RICTOR: variants seen among roughly 807,000 people sequenced by gnomAD.
RICTOR encodes RPTOR independent companion of MTOR complex 2.
Under a neutral mutation model 214.9 loss-of-function variants are expected in RICTOR, and 49 were observed. The observed-to-expected ratio is 0.23, with a 90% CI of 0.18 to 0.29. RICTOR has a LOEUF of 0.29. Ranked by LOEUF, RICTOR falls within the 10% of genes least tolerant of loss-of-function variation. The pLI is 1.00. For synonymous variants in RICTOR, 717 were observed against 711.3 expected, an observed-to-expected ratio of 1.01 and a Z score of -0.13; for missense variants, 1,625 against 2,047.0, an observed-to-expected ratio of 0.79 and a Z score of 3.98.
intron 2 of RICTOR, among the ~76,000 whole-genome samples, chr5:39,023,574 A>C (rs1755594040): frequency 6.6e-6 from 1 of 152,248 alleles, no homozygotes; most frequent in Admixed American, 6.5e-5. Context: ...TATTTGTTTT[A>C]AATAAAAACA....
chr5:39,010,768 GA>G (rs1039246957), intron 3 of RICTOR, among the ~76,000 whole-genome samples: 1 of 152,150 alleles, frequency 6.6e-6, no homozygotes, highest in African/African-American at 2.4e-5. Flanking sequence ...GTATCTGGTG[GA>G]AAAAATTTCT....
chr5:38,978,483 C>T, intron 9 of RICTOR, 100 bp downstream of exon 9: 1 of 459,604 alleles, frequency 2.2e-6, no homozygotes, highest in Non-Finnish European at 3.8e-6. Flanking sequence ...TTTATTTAAA[C>T]TCACATTTCT....
chr5:38,939,576 T>C lies in RICTOR; in HGVS notation c.*2728A>G. 1 of 231,864 alleles carries C rather than the reference T, an allele frequency of 4.3e-6. No individual in the cohort carries two copies. The highest frequency in any genetic ancestry group is 6.1e-5 in the East Asian group (1 of 16,280). The allele number at this position is 231,864 out of a possible 1,614,324, so 14.4% of individuals were successfully genotyped here. ...TATTTATCAGTATTTACTTAGTATG[T>C]GAGGCTGAAATCTGTTCTTGAAAAA... On this transcript the variant is annotated 3_prime_UTR_variant, in exon 38 of 38. Coordinates refer to ENST00000357387, the MANE Select transcript of RICTOR (RefSeq NM_152756.5).
intron 2 of RICTOR, among the ~76,000 whole-genome samples, chr5:39,036,583 A>C (rs1260357278): frequency 2.6e-5 from 4 of 152,218 alleles, no homozygotes; most frequent in Admixed American, 2.6e-4. Flanking sequence ...TCTCACGTGC[A>C]GAGACACACA....
Position 39,074,178 on chromosome 5 carries a change from A to G in RICTOR, c.50-20T>C, listed in dbSNP as rs775330701. 3.1e-6 allele frequency: 5 copies of G among 1,589,276 alleles called. No individual in the cohort carries two copies. Among genetic ancestry groups the G allele is most frequent in the African/African-American group, 1.4e-5 (1 of 72,164 alleles). ...TCCGCCCTGCGCGAAACAGACACAC[A>G]GCCCCAATTAGGATTGGCTCGCAGG... On this transcript the variant is annotated intron_variant, in intron 1 of 37. Coordinates refer to ENST00000357387, the MANE Select transcript of RICTOR (RefSeq NM_152756.5).
At chr5:39,051,569 G>A (rs1469277843) in intron 2 of RICTOR, among the ~76,000 whole-genome samples, 2 of 152,052 alleles carry the variant, frequency 1.3e-5, no homozygotes, top group Non-Finnish European at 2.9e-5. Flanking sequence ...CCAACATGGC[G>A]AAACCCCATC....
intron 2 of RICTOR, among the ~76,000 whole-genome samples, chr5:39,023,497 T>G (rs1284354844): frequency 6.6e-6 from 1 of 152,226 alleles, no homozygotes; most frequent in Non-Finnish European, 1.5e-5. Flanking sequence ...AGGCAGTAGT[T>G]TGCCACCTCC....
intron 2 of RICTOR, among the ~76,000 whole-genome samples, chr5:39,027,640 G>A (rs1340879259): frequency 2.0e-5 from 3 of 151,960 alleles, no homozygotes; most frequent in Admixed American, 1.3e-4. Context: ...GAGTACTTCT[G>A]ATGTTACATT....
In RICTOR at chr5:38,950,605, A is replaced by T. The variant is rs1372511718; in HGVS notation, c.3243T>A (p.Asp1081Glu). 5.0e-6 allele frequency: 8 copies of T among 1,613,274 alleles called. No homozygotes were observed. Among genetic ancestry groups the T allele is most frequent in the Non-Finnish European group, 6.8e-6 (8 of 1,179,446 alleles). Residue 1081 changes from aspartate to glutamate, a missense_variant, in exon 31 of 38, where the codon GAT becomes GAA. Around this residue, in one of 5 missense-constraint regions of RICTOR, gnomAD observed 1,214 missense variants for 1,470.5 expected, o/e 0.83. Coordinates refer to ENST00000357387, the MANE Select transcript of RICTOR (RefSeq NM_152756.5). ...TFYDRSGPIK[D>E]KNSFPFFASS... ...AAGCAAAGAAAGGGAATGAATTTTT[A>T]TCCTTTATGGGTCCAGATCGGTCAT...
intron 2 of RICTOR, among the ~76,000 whole-genome samples, chr5:39,056,525 A>C (rs1758217161): frequency 6.6e-6 from 1 of 151,842 alleles, no homozygotes; most frequent in Non-Finnish European, 1.5e-5. Context: ...ACTCCCAACT[A>C]CGTGGGGGTG....
intron 31 of RICTOR, among the ~76,000 whole-genome samples, chr5:38,948,916 T>C (rs1031416585): frequency 6.6e-6 from 1 of 152,074 alleles, no homozygotes; most frequent in Non-Finnish European, 1.5e-5. Flanking sequence ...TAACTACCAA[T>C]GATGATGATA....
Position 39,004,890 on chromosome 5 carries a change from C to T in RICTOR, c.196-1268G>A, listed in dbSNP as rs576004398. On this transcript the variant is annotated intron_variant, in intron 3 of 37. Coordinates refer to ENST00000357387, the MANE Select transcript of RICTOR (RefSeq NM_152756.5). Reference sequence around the variant, plus strand: ...TCCGCCTCCCACGTTCAAGCGATTCCCCTGCTTCAGCCTCCCTAGTAGCTG... The same window carrying T: ...TCCGCCTCCCACGTTCAAGCGATTCTCCTGCTTCAGCCTCCCTAGTAGCTG... 2.0e-5 allele frequency among the ~76,000 whole-genome samples: 3 copies of T among 151,124 alleles called. No individual in the cohort carries two copies. The South Asian group carries it at 6.3e-4, about 32-fold the overall frequency.
At chr5:38,948,431 G>A (rs1453831295) in intron 31 of RICTOR, among the ~76,000 whole-genome samples, 1 of 152,046 alleles carries the variant, frequency 6.6e-6, no homozygotes, top group Non-Finnish European at 1.5e-5. Context: ...AAGGATTACT[G>A]GAGTGGGAGG....
intron 2 of RICTOR, among the ~76,000 whole-genome samples, chr5:39,030,843 A>G (rs951924564): frequency 2.0e-5 from 3 of 152,190 alleles, no homozygotes; most frequent in Non-Finnish European, 4.4e-5. Flanking sequence ...AGCATGAAGT[A>G]TATGTCTGGT....
rs1217571380 is a variant in RICTOR at position 38,939,662 on chromosome 5, C to A, written c.*2642G>T. The A allele has an allele frequency of 1.7e-5, 4 of 230,674 alleles. No individual in the cohort carries two copies. Among genetic ancestry groups the A allele is most frequent in the African/African-American group, 8.9e-5 (4 of 45,178 alleles). The allele number at this position is 230,674 out of a possible 1,614,324, so 14.3% of individuals were successfully genotyped here. A position where few individuals can be genotyped will look rare whatever the true frequency, so the allele number is the denominator to read the frequency against. On this transcript the variant is annotated 3_prime_UTR_variant, in exon 38 of 38. Coordinates refer to ENST00000357387, the MANE Select transcript of RICTOR (RefSeq NM_152756.5). ...AGAAATTCATAGTTTACAACCAGCA[C>A]AACTGCCCAGATTCCTCCCAATTAT... is the stretch of plus-strand genomic sequence containing the variant.
At chr5:39,028,283 C>T (rs1046452281) in intron 2 of RICTOR, among the ~76,000 whole-genome samples, 16 of 145,510 alleles carry the variant, frequency 1.1e-4, no homozygotes, top group African/African-American at 3.5e-4. Context: ...CACGGGTTCA[C>T]GCCATTCTCC....
intron 7 of RICTOR, among the ~76,000 whole-genome samples, chr5:38,990,514 C>CGATATATACACGATATATACAA (rs1752519977): frequency 6.8e-6 from 1 of 147,252 alleles, no homozygotes; most frequent in Non-Finnish European, 1.5e-5. Flanking sequence ...GATATATACA[C>CGATATATACACGATATATACAA]GATATATATA....
chr5:39,022,803 T>C (rs766702889), intron 2 of RICTOR, among the ~76,000 whole-genome samples: 1 of 152,128 alleles, frequency 6.6e-6, no homozygotes, highest in South Asian at 2.1e-4. Context: ...TGGGATAAAC[T>C]TGCTGCAACT....
At chr5:39,051,061 A>T (rs939196652) in intron 2 of RICTOR, among the ~76,000 whole-genome samples, 1 of 151,498 alleles carries the variant, frequency 6.6e-6, no homozygotes, top group Non-Finnish European at 1.5e-5. Context: ...ACACACACAC[A>T]CACGCACCTA....
Sources: gnomAD v4.1 joint callset for allele counts (sites outside exome capture counted in the v4.1 genomes callset) on GRCh38, gnomAD v4.1.1 for gene constraint, gnomAD v4.1.1 regional missense constraint, MANE v1.5 for transcripts, NCBI Gene and HGNC (gene_info 2026-07-23, HGNC 2026-07-21) for gene names.